SARM1: variants seen among roughly 807,000 people sequenced by gnomAD.
SARM1 encodes NAD(+) hydrolase SARM1.
A neutral mutation model predicts 65.1 loss-of-function variants in SARM1; 60 were observed. The observed-to-expected ratio is 0.92, with a 90% CI of 0.75 to 1.14. The LOEUF (loss-of-function observed/expected upper bound fraction) is 1.14. Ranked by LOEUF, SARM1 falls within the 50% of genes most tolerant of loss-of-function variation. The pLI is 0.00. For synonymous variants in SARM1, 417 were observed against 465.4 expected, an observed-to-expected ratio of 0.90 and a Z score of 1.34; for missense variants, 913 against 1,015.7, an observed-to-expected ratio of 0.90 and a Z score of 1.37.
At chr17:28,391,707 CAAAAAAAAAA>C (rs1206857097) in intron 7 of SARM1, among the ~76,000 whole-genome samples, 9 of 56,778 alleles carry the variant, frequency 1.6e-4, no homozygotes, top group Non-Finnish European at 2.9e-4. Context: ...GCAATTGCAC[CAAAAAAAAAA>C]AAAAAAAAAA....
intron 1 of SARM1, chr17:28,374,299 A>T (rs1289462152): frequency 6.8e-6 from 1 of 146,372 alleles, no homozygotes; most frequent in African/African-American, 2.6e-5. Context: ...AAAAAAAAAA[A>T]AAAAGGCACT....
rs190906015 is a variant in SARM1 at position 28,372,826 on chromosome 17, C to A, written c.470+324C>A. Among the ~76,000 whole-genome samples, 9 of 152,270 alleles carry A rather than the reference C, an allele frequency of 5.9e-5. No individual in the cohort carries two copies. The highest frequency in any genetic ancestry group is 1.9e-4 in the East Asian group (1 of 5,174). On this transcript the variant is annotated intron_variant, in intron 1 of 8. Coordinates refer to ENST00000585482, the MANE Select transcript of SARM1 (RefSeq NM_015077.4). This position sits in a 1 kb window ranked among gnomAD's most constrained non-coding sequence, Gnocchi z 5.2. ...TATTGCCAATTCTCCCTCTCCCCCG[C>A]CCCCCAAGCCCACAGCTCTCCTTCC...
At position 28,385,283 on chromosome 17, in the gene SARM1, C is replaced by A. The variant is rs782217698; in HGVS notation, c.1630+8C>A. 4 of 1,521,148 alleles carry A rather than the reference C, an allele frequency of 2.6e-6. No individual in the cohort carries two copies. The highest frequency in any genetic ancestry group is 2.6e-6 in the Non-Finnish European group (3 of 1,138,072). 94.2% of individuals were successfully genotyped at this position (1,521,148 alleles called of 1,614,324 possible). A position where few individuals can be genotyped will look rare whatever the true frequency, so the allele number is the denominator to read the frequency against. On this transcript the variant is annotated splice_region_variant and intron_variant, in intron 5 of 8. Transcript: ENST00000585482. The surrounding 1 kb of genome is among the most constrained non-coding windows in gnomAD (Gnocchi z 4.5). ...TCCTCACGGCGGCCAGAGGTCAGCCCGCTCACCCGGGACCCCGCCCCAGCC... is the reference window on the plus strand; with the variant it reads ...TCCTCACGGCGGCCAGAGGTCAGCCAGCTCACCCGGGACCCCGCCCCAGCC...
Position 28,396,174 on chromosome 17 carries a change from A to T in SARM1, c.2063A>T (p.Gln688Leu). 6.2e-7 allele frequency: 1 copy of T among 1,613,946 alleles called. No individual in the cohort carries two copies. Among genetic ancestry groups the T allele is most frequent in the Non-Finnish European group, 8.5e-7 (1 of 1,179,864 alleles). ...FNGIKWSHEY[Q>L]EATIEKIIRF... ...GCCCACAGGTGGTCCCACGAATACCAGGAGGCCACCATTGAGAAGATCATC... is the reference window on the plus strand; with the variant it reads ...GCCCACAGGTGGTCCCACGAATACCTGGAGGCCACCATTGAGAAGATCATC... Residue 688 changes from glutamine to leucine, a missense_variant, in exon 9 of 9, where the codon CAG becomes CTG. Coordinates refer to ENST00000585482, the MANE Select transcript of SARM1 (RefSeq NM_015077.4).
At chr17:28,389,571 G>A (rs781904038) in intron 7 of SARM1, among the ~76,000 whole-genome samples, 5 of 152,150 alleles carry the variant, frequency 3.3e-5, no homozygotes, top group Admixed American at 6.6e-5. Flanking sequence ...GATGAGACAA[G>A]CAGTCAGCTC....
Position 28,396,513 on chromosome 17 carries a change from C to A in SARM1, c.*227C>A. ...TTGGGCACGGGAGGTTAGAACTCCC[C>A]CAGGCCCTGCCATTGGGTTGTCTGT... On this transcript the variant is annotated 3_prime_UTR_variant, in exon 9 of 9. Coordinates refer to ENST00000585482, the MANE Select transcript of SARM1 (RefSeq NM_015077.4). 1.7e-6 allele frequency: 1 copy of A among 573,422 alleles called. No individual in the cohort carries two copies. The highest frequency in any genetic ancestry group is 3.1e-6 in the Non-Finnish European group (1 of 322,776). The allele number at this position is 573,422 out of a possible 1,614,324, so 35.5% of individuals were successfully genotyped here.
chr17:28,391,727 AAG>A (rs59822059), intron 7 of SARM1, among the ~76,000 whole-genome samples: 70 of 117,086 alleles, frequency 6.0e-4, no homozygotes, highest in Admixed American at 1.0e-3. Context: ...AAAAAAAAAA[AAG>A]AGAGAGAGAG....
chr17:28,391,386 C>A (rs1431661528), intron 7 of SARM1, among the ~76,000 whole-genome samples: 10 of 152,114 alleles, frequency 6.6e-5, no homozygotes, highest in African/African-American at 2.4e-4. Flanking sequence ...TCAAGGAGCC[C>A]ATGAAGGAGA....
intron 8 of SARM1, 39 bp from the exon 9 acceptor site, chr17:28,396,118 G>T: frequency 1.2e-6 from 2 of 1,613,846 alleles, no homozygotes; most frequent in Non-Finnish European, 1.7e-6. Flanking sequence ...AGCTCCCTCT[G>T]CCCAGCTGTC....
rs192019869 is a variant in SARM1, at chr17:28,375,172, C to A, written c.470+2670C>A. 4.9e-4 allele frequency among the ~76,000 whole-genome samples: 74 copies of A among 152,276 alleles called. 1 individual carries two copies. In the East Asian group the frequency reaches 0.014, roughly 29 times the overall value. On this transcript the variant is annotated intron_variant, in intron 1 of 8. Coordinates refer to ENST00000585482, the MANE Select transcript of SARM1 (RefSeq NM_015077.4). ...GGCCCCACAACACCCAGTGAGGTCC[C>A]CATATGACTGCTAGCCCTCTATATT...
In SARM1 at chr17:28,398,290, C is replaced by A. The variant is rs1428644196; in HGVS notation, c.*2004C>A. The A allele has an allele frequency of 2.6e-5, 4 of 152,312 alleles. No homozygotes were observed. The highest frequency in any genetic ancestry group is 9.7e-5 in the African/African-American group (4 of 41,440). The allele number at this position is 152,312 out of a possible 1,614,324, so 9.4% of individuals were successfully genotyped here. On this transcript the variant is annotated 3_prime_UTR_variant, in exon 9 of 9. Transcript: ENST00000585482. ...GTATACCCTCCACTGTTGTCCACTG[C>A]CCTGTGTGGCCTTCTGGTTGACCTC...
Position 28,384,278 on chromosome 17 carries a change from C to T in SARM1, c.1090-79C>T, listed in dbSNP as rs2068038359. 5.8e-6 allele frequency: 7 copies of T among 1,217,154 alleles called. No individual in the cohort carries two copies. The highest frequency in any genetic ancestry group is 8.0e-6 in the Non-Finnish European group (7 of 871,284). 75.4% of individuals were successfully genotyped at this position (1,217,154 alleles called of 1,614,324 possible). ...AGAGACTTTGGGTTGTGAGAAGAGA[C>T]AAGGAGAGGGACTGGGCACGTGTGG... On this transcript the variant is annotated intron_variant, in intron 2 of 8. Coordinates refer to ENST00000585482, the MANE Select transcript of SARM1 (RefSeq NM_015077.4). The surrounding 1 kb of genome is among the most constrained non-coding windows in gnomAD (Gnocchi z 4.4).
Position 28,385,599 on chromosome 17 carries a change from A to G in SARM1, c.1630+324A>G. ...CACCCAGGTCTAGATTTCAGAGAGG[A>G]CAGGATGCCTGACCATGTCTTGAGA... On this transcript the variant is annotated intron_variant, in intron 5 of 8. Coordinates refer to ENST00000585482, the MANE Select transcript of SARM1 (RefSeq NM_015077.4). This position sits in a 1 kb window ranked among gnomAD's most constrained non-coding sequence, Gnocchi z 4.5. The G allele has an allele frequency of 2.4e-6, 1 of 410,606 alleles. No individual in the cohort carries two copies. Among genetic ancestry groups the G allele is most frequent in the Non-Finnish European group, 4.4e-6 (1 of 227,864 alleles). The allele number at this position is 410,606 out of a possible 1,614,324, so 25.4% of individuals were successfully genotyped here.
chr17:28,383,415 C>T (rs1469836536), intron 2 of SARM1, among the ~76,000 whole-genome samples: 1 of 152,132 alleles, frequency 6.6e-6, no homozygotes, highest in Non-Finnish European at 1.5e-5. Context: ...TTAGGGGGGT[C>T]TCTGGGGCCT....
Position 28,381,463 on chromosome 17 carries a change from G to A in SARM1, c.731G>A (p.Arg244His). Residue 244 changes from arginine (R) to histidine (H), a missense_variant, in exon 2 of 9, where the codon CGC becomes CAC. By Grantham distance (29) the Arg-to-His change is conservative (BLOSUM62 0). Around this residue, in one of 3 missense-constraint regions of SARM1, gnomAD observed 862 missense variants for 952.1 expected, o/e 0.91. Transcript: ENST00000585482. ...CACGGGGGCCAGGCGGTGCAGCGACGCATGGTAGAGAAGCGCGCAGCCGAG... is the reference window on the plus strand; with the variant it reads ...CACGGGGGCCAGGCGGTGCAGCGACACATGGTAGAGAAGCGCGCAGCCGAG... The part of the protein sequence containing the change: ...ALHGGQAVQR[R>H]MVEKRAAEWL... The A allele has an allele frequency of 6.4e-7, 1 of 1,551,494 alleles. No individual in the cohort carries two copies. The highest frequency in any genetic ancestry group is 8.7e-7 in the Non-Finnish European group (1 of 1,147,846).
At position 28,400,269 on chromosome 17, in the gene SARM1, C is replaced by A; in HGVS notation, c.*3983C>A. On this transcript the variant is annotated 3_prime_UTR_variant, in exon 9 of 9. Transcript: ENST00000585482. ...TAGCCTGTGGCCCAGCCACAACTAGCTGACAAAGCTTCCTGGCCTTCCCTT... is the reference window on the plus strand; with the variant it reads ...TAGCCTGTGGCCCAGCCACAACTAGATGACAAAGCTTCCTGGCCTTCCCTT... 3.3e-6 allele frequency: 1 copy of A among 298,666 alleles called. No homozygotes were observed. Among genetic ancestry groups the A allele is most frequent in the Non-Finnish European group, 6.4e-6 (1 of 156,848 alleles). The allele number at this position is 298,666 out of a possible 1,614,324, so 18.5% of individuals were successfully genotyped here.
chr17:28,377,004 G>C (rs577018140), intron 1 of SARM1, among the ~76,000 whole-genome samples: 29 of 152,120 alleles, frequency 1.9e-4, no homozygotes, highest in Non-Finnish European at 3.7e-4. Flanking sequence ...TGGCCAGGCT[G>C]GTCTCGAACT....
intron 5 of SARM1, chr17:28,386,552 G>T (rs1555586033): frequency 6.6e-6 from 1 of 152,084 alleles, no homozygotes; most frequent in African/African-American, 2.4e-5. Flanking sequence ...GTCTATGAGG[G>T]TTATGTCTAA....
rs1555585350 is a variant in SARM1 at position 28,381,804 on chromosome 17, C to T, written c.1072C>T (p.Leu358=). Reference sequence around the variant, plus strand: ...CTGCGCCGAGGCTGCCATCAAGAGCCTGCAAGGCAAGACCAAGGTGGGTGC... The same window carrying T: ...CTGCGCCGAGGCTGCCATCAAGAGCTTGCAAGGCAAGACCAAGGTGGGTGC... ...YLCAEAAIKS[L]QGKTKVFSDI... is the part of the protein sequence containing the mutation. The change falls in exon 2 of 9, where the codon CTG becomes TTG. Residue 358 remains leucine, a synonymous_variant. Transcript: ENST00000585482. 2 of 1,450,624 alleles carry T rather than the reference C, an allele frequency of 1.4e-6. No homozygotes were observed. Among genetic ancestry groups the T allele is most frequent in the South Asian group, 1.5e-5 (1 of 68,474 alleles). The allele number at this position is 1,450,624 out of a possible 1,614,324, so 89.9% of individuals were successfully genotyped here.
Sources: gnomAD v4.1 joint callset for allele counts (sites outside exome capture counted in the v4.1 genomes callset) on GRCh38, gnomAD v4.1.1 for gene constraint, gnomAD v4.1.1 regional missense constraint, Gnocchi (gnomAD v3.1) non-coding constraint, MANE v1.5 for transcripts, NCBI Gene and HGNC (gene_info 2026-07-23, HGNC 2026-07-21) for gene names.